The following GSG1L variants were observed in gnomAD, a reference collection of about 807,000 sequenced individuals.
GSG1L encodes germ cell-specific gene 1-like protein.
In GSG1L, 24 loss-of-function variants were observed where a neutral mutation model predicts 42.1. The ratio of observed to expected loss-of-function variants is 0.57; its 90% CI spans 0.41 to 0.80. The LOEUF is 0.80. GSG1L is among the 30% of genes least tolerant of loss of function. The pLI is 0.00. For missense variants in GSG1L, 445 were observed against 472.2 expected (o/e 0.94, Z 0.53); for synonymous variants, 215 against 203.5 (o/e 1.06, Z -0.48).
chr16:27,865,463 G>GCCGC (rs2083703066), intron 3 of GSG1L, among the ~76,000 whole-genome samples: 1 of 147,608 alleles, frequency 6.8e-6, no homozygotes, highest in South Asian at 2.1e-4. Flanking sequence ...GGTGGAAGTG[G>GCCGC]CCGCACTGGA....
chr16:27,796,028 G>A (rs2082814347), intron 6 of GSG1L, among the ~76,000 whole-genome samples: 1 of 152,180 alleles, frequency 6.6e-6, no homozygotes, highest in African/African-American at 2.4e-5. Context: ...GGAAACTGAG[G>A]CACTTAGAGG....
chr16:27,880,032 C>T (rs1158857386), intron 3 of GSG1L, among the ~76,000 whole-genome samples: 1 of 152,074 alleles, frequency 6.6e-6, no homozygotes, highest in Admixed American at 6.5e-5. Context: ...GATGTCAGAG[C>T]CCAACCTCTC....
At chr16:28,014,492 G>A (rs2085758462) in intron 1 of GSG1L, among the ~76,000 whole-genome samples, 1 of 151,812 alleles carries the variant, frequency 6.6e-6, no homozygotes, top group Admixed American at 6.6e-5. Flanking sequence ...ACGGAAAGGG[G>A]AGTCATTTTC....
intron 2 of GSG1L, among the ~76,000 whole-genome samples, chr16:27,909,955 CT>C (rs67729209): frequency 0.047 from 6,144 of 129,834 alleles, 243 homozygotes; most frequent in African/African-American, 0.14. Flanking sequence ...TCTTTTCTTT[CT>C]TTTTTTTTTT....
At chr16:27,873,842 G>T (rs1395339769) in intron 3 of GSG1L, among the ~76,000 whole-genome samples, 1 of 152,176 alleles carries the variant, frequency 6.6e-6, no homozygotes, top group Non-Finnish European at 1.5e-5. Flanking sequence ...GGGTGAAATG[G>T]ATGGCTACAG....
intron 1 of GSG1L, among the ~76,000 whole-genome samples, chr16:28,041,995 G>A (rs945266929): frequency 6.6e-6 from 1 of 152,216 alleles, no homozygotes; most frequent in African/African-American, 2.4e-5. Context: ...CGTGGGAATA[G>A]TGCATGGAGG....
chr16:27,852,249 G>A (rs1050445871), intron 3 of GSG1L, among the ~76,000 whole-genome samples: 1 of 152,236 alleles, frequency 6.6e-6, no homozygotes, highest in Non-Finnish European at 1.5e-5. Context: ...CCTGGAGGAT[G>A]CTGGAGCCAG....
intron 4 of GSG1L, among the ~76,000 whole-genome samples, chr16:27,830,738 C>T (rs1440848548): frequency 1.3e-5 from 2 of 152,232 alleles, no homozygotes; most frequent in Non-Finnish European, 2.9e-5. Context: ...CAATCAGATA[C>T]TCTCTCCTGA....
At chr16:27,888,833 G>A (rs918689040) in intron 2 of GSG1L, among the ~76,000 whole-genome samples, 2 of 151,762 alleles carry the variant, frequency 1.3e-5, no homozygotes, top group Admixed American at 1.3e-4. Context: ...GGCCAGGCTT[G>A]TCTCGAACTC....
intron 3 of GSG1L, among the ~76,000 whole-genome samples, chr16:27,850,811 ATT>A (rs35635112): frequency 7.0e-5 from 10 of 143,306 alleles, no homozygotes; most frequent in Admixed American, 6.2e-4. Flanking sequence ...TTTTTTTTTT[ATT>A]TTTTTTTTGT....
At chr16:27,944,054 G>C (rs2084835550) in intron 2 of GSG1L, among the ~76,000 whole-genome samples, 1 of 152,174 alleles carries the variant, frequency 6.6e-6, no homozygotes, top group Non-Finnish European at 1.5e-5. Context: ...AAGCAAGGCA[G>C]TGATGACCCT....
intron 1 of GSG1L, among the ~76,000 whole-genome samples, chr16:27,977,559 CAAAAAAA>C (rs34588077): frequency 8.9e-5 from 4 of 44,944 alleles, no homozygotes; most frequent in East Asian, 6.1e-4. Flanking sequence ...CACCCTGCCT[CAAAAAAA>C]AAAAAAAAAA....
chr16:27,923,915 C>A (rs937041280), intron 2 of GSG1L, among the ~76,000 whole-genome samples: 2 of 152,054 alleles, frequency 1.3e-5, no homozygotes, highest in African/African-American at 4.8e-5. Flanking sequence ...GGACCCTGTG[C>A]TCAAATCTTG....
chr16:27,890,201 A>G (rs1162485931), intron 2 of GSG1L, among the ~76,000 whole-genome samples: 1 of 152,196 alleles, frequency 6.6e-6, no homozygotes, highest in Non-Finnish European at 1.5e-5. Context: ...TTCTGGAACC[A>G]GGTGTCCAGA....
At chr16:27,893,464 A>G (rs1432486326) in intron 2 of GSG1L, among the ~76,000 whole-genome samples, 4 of 152,258 alleles carry the variant, frequency 2.6e-5, no homozygotes, top group African/African-American at 9.6e-5. Context: ...TGCACGCAGT[A>G]AATGAGACAA....
At chr16:27,972,921 C>G (rs984789345) in intron 1 of GSG1L, among the ~76,000 whole-genome samples, 6 of 152,184 alleles carry the variant, frequency 3.9e-5, no homozygotes, top group Non-Finnish European at 7.3e-5. Context: ...GTGATGGCAC[C>G]GGCCGATCCT....
At chr16:27,944,319 T>C (rs1368606381) in intron 2 of GSG1L, among the ~76,000 whole-genome samples, 1 of 152,110 alleles carries the variant, frequency 6.6e-6, no homozygotes, top group Non-Finnish European at 1.5e-5. Flanking sequence ...AATATTATTT[T>C]GCAATAAAAA....
intron 2 of GSG1L, among the ~76,000 whole-genome samples, chr16:27,947,424 G>T (rs2084889430): frequency 7.3e-6 from 1 of 137,226 alleles, no homozygotes; most frequent in African/African-American, 2.7e-5. Flanking sequence ...AAGAAAGAAA[G>T]AAAGAGAAGG....
intron 2 of GSG1L, among the ~76,000 whole-genome samples, chr16:27,934,325 C>T (rs1399227715): frequency 6.6e-6 from 1 of 152,160 alleles, no homozygotes; most frequent in Admixed American, 6.5e-5. Flanking sequence ...GGGAGGATCA[C>T]CTGAGGTCAG....
Sources: allele counts gnomAD v4.1 joint callset (sites outside exome capture counted in the v4.1 genomes callset), GRCh38; gene constraint gnomAD v4.1.1; transcripts MANE v1.5; gene names NCBI Gene and HGNC (gene_info 2026-07-23, HGNC 2026-07-21).